The following GOLM2 variants were observed in gnomAD, a reference collection of about 807,000 sequenced individuals.
The protein encoded by GOLM2 is protein GOLM2.
A neutral mutation model predicts 55.9 loss-of-function variants in GOLM2; 26 were observed. The observed-to-expected ratio is 0.47, with a 90% confidence interval of 0.34 to 0.65. GOLM2 has a LOEUF of 0.65. Among genes scored for constraint, GOLM2 ranks in the 30% least tolerant of loss-of-function variants. The probability of loss-of-function intolerance (pLI) is 0.01; values close to 1 mark genes in which losing one functional copy is unlikely to be tolerated. For synonymous variants in GOLM2, 165 were observed against 194.6 expected (o/e 0.85, Z 1.27); for missense variants, 486 against 531.8 (o/e 0.91, Z 0.85).
At position 44,292,070 on chromosome 15, in the gene GOLM2, T is replaced by G. The variant is rs148229281; in HGVS notation, c.327+2714T>G. On this transcript the variant is annotated intron_variant, in intron 1 of 9. Coordinates refer to ENST00000299957, the MANE Select transcript of GOLM2 (RefSeq NM_138423.4). Reference sequence around the variant, plus strand: ...CAAAGCCCACTAGTTTGGGAAATATTGCCCTGGGTATCTTAACTACTTTTA... The same window carrying G: ...CAAAGCCCACTAGTTTGGGAAATATGGCCCTGGGTATCTTAACTACTTTTA... Among the ~76,000 whole-genome samples the G allele has an allele frequency of 9.6e-3, 1,465 of 152,212 alleles. 25 individuals are homozygous for G. Among genetic ancestry groups the G allele is most frequent in the African/African-American group, 0.034 (1,412 of 41,532 alleles).
chr15:44,356,894 G>A (rs1055581876), intron 6 of GOLM2, among the ~76,000 whole-genome samples: 1 of 152,170 alleles, frequency 6.6e-6, no homozygotes, highest in African/African-American at 2.4e-5. Flanking sequence ...TTATAGGCCA[G>A]GCACAGTGGC....
intron 6 of GOLM2, among the ~76,000 whole-genome samples, chr15:44,338,884 G>A (rs1478378593): frequency 6.6e-6 from 1 of 151,916 alleles, no homozygotes; most frequent in Non-Finnish European, 1.5e-5. Context: ...TCACTTGAAG[G>A]CCTGCTCCCA....
At chr15:44,322,321 C>T (rs1440442673) in intron 1 of GOLM2, among the ~76,000 whole-genome samples, 1 of 152,108 alleles carries the variant, frequency 6.6e-6, no homozygotes, top group African/African-American at 2.4e-5. Flanking sequence ...GAGCTGAGAT[C>T]GCACCACTGC....
intron 1 of GOLM2, among the ~76,000 whole-genome samples, chr15:44,316,934 T>G (rs1286106543): frequency 6.6e-6 from 1 of 151,422 alleles, no homozygotes; most frequent in East Asian, 1.9e-4. Context: ...TACAATGAAC[T>G]GAGATTGTGC....
intron 6 of GOLM2, among the ~76,000 whole-genome samples, chr15:44,373,719 ACT>A (rs759468447): frequency 6.6e-6 from 1 of 152,196 alleles, no homozygotes; most frequent in Non-Finnish European, 1.5e-5. Flanking sequence ...GTGCCACTGC[ACT>A]CCAACCTGGC....
At chr15:44,366,520 G>T (rs542727103) in intron 6 of GOLM2, among the ~76,000 whole-genome samples, 2 of 152,254 alleles carry the variant, frequency 1.3e-5, no homozygotes, top group Non-Finnish European at 2.9e-5. Context: ...TGTAGTCCCA[G>T]CTACTTGGGA....
rs762886338 is a variant in GOLM2, at chr15:44,300,551, A to G, written c.327+11195A>G. ...ACTAGGATTTAGTTGTGCAGAAAAAAGGTAAAAGGACATTCAAGGAGCTCC... is the reference window on the plus strand; with the variant it reads ...ACTAGGATTTAGTTGTGCAGAAAAAGGGTAAAAGGACATTCAAGGAGCTCC... On this transcript the variant is annotated intron_variant, in intron 1 of 9. Coordinates refer to ENST00000299957, the MANE Select transcript of GOLM2 (RefSeq NM_138423.4). Among the ~76,000 whole-genome samples the G allele has an allele frequency of 2.3e-3, 349 of 152,328 alleles. 1 individual carries two copies. The highest frequency in any genetic ancestry group is 2.2e-3 in the Non-Finnish European group (147 of 68,030).
chr15:44,290,610 A>C (rs905180492), intron 1 of GOLM2, among the ~76,000 whole-genome samples: 1 of 152,226 alleles, frequency 6.6e-6, no homozygotes, highest in Non-Finnish European at 1.5e-5. Flanking sequence ...CTAAAGACTG[A>C]AAAACTCTCG....
intron 6 of GOLM2, among the ~76,000 whole-genome samples, chr15:44,350,924 A>G (rs959649078): frequency 6.6e-6 from 1 of 152,164 alleles, no homozygotes; most frequent in Non-Finnish European, 1.5e-5. Flanking sequence ...AAAATTTAAC[A>G]TCTCTTCATG....
At chr15:44,360,592 A>G (rs2079230838) in intron 6 of GOLM2, among the ~76,000 whole-genome samples, 1 of 152,180 alleles carries the variant, frequency 6.6e-6, no homozygotes, top group Admixed American at 6.5e-5. Flanking sequence ...AGACTCCCAC[A>G]CATTAATAAT....
At chr15:44,366,826 G>A (rs866940179) in intron 6 of GOLM2, among the ~76,000 whole-genome samples, 3 of 151,918 alleles carry the variant, frequency 2.0e-5, no homozygotes, top group East Asian at 1.9e-4. Flanking sequence ...CATGCTACCC[G>A]TACTCCATTC....
At chr15:44,360,063 G>C (rs1040589142) in intron 6 of GOLM2, among the ~76,000 whole-genome samples, 2 of 152,060 alleles carry the variant, frequency 1.3e-5, no homozygotes, top group Middle Eastern at 3.2e-3. Flanking sequence ...CACTAAACAT[G>C]GAAAGGAACA....
chr15:44,411,012 A>AC, intron 9 of GOLM2, among the ~76,000 whole-genome samples: 1 of 112,510 alleles, frequency 8.9e-6, no homozygotes, highest in Non-Finnish European at 1.9e-5. Context: ...GGTTTGTTTG[A>AC]CTTTTTTTTT....
Position 44,307,252 on chromosome 15 carries a change from G to T in GOLM2, c.328-15713G>T, listed in dbSNP as rs1301764755. The stretch of plus-strand genomic sequence containing the variant: ...TTTTGAGACAGAGTCTGGCTCTGTG[G>T]CCCAGGCTGAAGTGCAGTGGTACGA... On this transcript the variant is annotated intron_variant, in intron 1 of 9. Coordinates refer to ENST00000299957, the MANE Select transcript of GOLM2 (RefSeq NM_138423.4). 4 of 151,256 alleles carry T rather than the reference G, an allele frequency of 2.6e-5. No individual in the cohort carries two copies. The East Asian group carries it at 7.8e-4, about 29-fold the overall frequency. The allele number at this position is 151,256 out of a possible 1,614,324, so 9.4% of individuals were successfully genotyped here.
At chr15:44,361,957 G>A (rs904580762) in intron 6 of GOLM2, among the ~76,000 whole-genome samples, 55 of 152,230 alleles carry the variant, frequency 3.6e-4, no homozygotes, top group South Asian at 8.3e-4. Flanking sequence ...TGATTATCTC[G>A]ATAGATGCAG....
chr15:44,384,901 G>A (rs2079431435), intron 8 of GOLM2, among the ~76,000 whole-genome samples: 1 of 149,700 alleles, frequency 6.7e-6, no homozygotes, highest in Admixed American at 6.7e-5. Flanking sequence ...GAGCGAGACT[G>A]CATCTTAAAA....
rs530585889 is a variant in GOLM2, at chr15:44,368,542, T to C, written c.803-11148T>C. Among the ~76,000 whole-genome samples, 12 of 152,138 alleles carry C rather than the reference T, an allele frequency of 7.9e-5. No homozygotes were observed. In the East Asian group the frequency reaches 2.1e-3, roughly 27 times the overall value. On this transcript the variant is annotated intron_variant, in intron 6 of 9. Coordinates refer to ENST00000299957, the MANE Select transcript of GOLM2 (RefSeq NM_138423.4). Reference sequence around the variant, plus strand: ...CCTTCAAGTTCATTGACCCCTTTTTTTCTGTAATGTTTAGTCTGCTGTTAA... The same window carrying C: ...CCTTCAAGTTCATTGACCCCTTTTTCTCTGTAATGTTTAGTCTGCTGTTAA...
chr15:44,288,904 G>A lies in GOLM2; in HGVS notation c.-126G>A, dbSNP rs952255981. Reference sequence around the variant, plus strand: ...CCCCTTCTCCGGCTCGCAGCCGACCGGTAAGCCCGCCTCCTCCCTCGGCCG... The same window carrying A: ...CCCCTTCTCCGGCTCGCAGCCGACCAGTAAGCCCGCCTCCTCCCTCGGCCG... On this transcript the variant is annotated 5_prime_UTR_variant, in exon 1 of 10. Coordinates refer to ENST00000299957, the MANE Select transcript of GOLM2 (RefSeq NM_138423.4). The A allele has an allele frequency of 1.9e-4, 159 of 844,526 alleles. No individual in the cohort carries two copies. The highest frequency in any genetic ancestry group is 5.3e-4 in the Admixed American group (18 of 34,070). 52.3% of individuals were successfully genotyped at this position (844,526 alleles called of 1,614,324 possible).
chr15:44,351,595 AAAACAC>A (rs2079164567), intron 6 of GOLM2, among the ~76,000 whole-genome samples: 2 of 149,488 alleles, frequency 1.3e-5, no homozygotes, highest in Admixed American at 6.6e-5. Flanking sequence ...AAAAAAAAAA[AAAACAC>A]AGACAAACAA....
Sources: allele counts gnomAD v4.1 joint callset (sites outside exome capture counted in the v4.1 genomes callset), GRCh38; gene constraint gnomAD v4.1.1; transcripts MANE v1.5; gene names NCBI Gene and HGNC (gene_info 2026-07-23, HGNC 2026-07-21).